The following GABRB1 variants were observed in gnomAD, a reference collection of about 807,000 sequenced individuals.
GABRB1 encodes the protein gamma-aminobutyric acid type A receptor subunit beta1.
Under a neutral mutation model 51.6 loss-of-function variants are expected in GABRB1, and 17 were observed. That is an observed-to-expected ratio of 0.33 (90% CI 0.23 to 0.49). The LOEUF (loss-of-function observed/expected upper bound fraction) is 0.49, where lower values mean the gene tolerates loss of function less well. GABRB1 is among the 20% of genes least tolerant of loss of function. The pLI, the probability that GABRB1 is intolerant of heterozygous loss-of-function variation, is 0.99. For missense variants in GABRB1, 410 were observed against 600.6 expected (o/e 0.68, Z 3.32); for synonymous variants, 247 against 218.9 (o/e 1.13, Z -1.14).
At position 47,031,750 on chromosome 4, in the gene GABRB1, A is replaced by ATCTC. The variant is rs771540640; in HGVS notation, c.80+20_80+23dup. 30 of 1,524,532 alleles carry ATCTC rather than the reference A, an allele frequency of 2.0e-5. 1 individual carries two copies. Among genetic ancestry groups the ATCTC allele is most frequent in the South Asian group, 1.7e-4 (15 of 88,604 alleles). The allele number at this position is 1,524,532 out of a possible 1,614,324, so 94.4% of individuals were successfully genotyped here. ...CACACAGGTGAGCTGCTGTTGTTGA[A>ATCTC]TCTCGCTCTCTCTCTCTCTCTCTCT... On this transcript the variant is annotated intron_variant, in intron 1 of 8. Transcript: ENST00000295454.
chr4:47,208,430 C>T (rs1720224334), intron 4 of GABRB1, among the ~76,000 whole-genome samples: 1 of 151,998 alleles, frequency 6.6e-6, no homozygotes, highest in South Asian at 2.1e-4. Context: ...AGTTGTATAA[C>T]ATTGTGGATG....
intron 4 of GABRB1, among the ~76,000 whole-genome samples, chr4:47,190,451 T>C (rs1719394867): frequency 6.6e-6 from 1 of 152,158 alleles, no homozygotes; most frequent in South Asian, 2.1e-4. Flanking sequence ...AACGGCTTTA[T>C]GCACATTATT....
intron 3 of GABRB1, among the ~76,000 whole-genome samples, chr4:47,083,320 A>C (rs1223368955): frequency 6.6e-6 from 1 of 152,132 alleles, no homozygotes; most frequent in Non-Finnish European, 1.5e-5. Flanking sequence ...TTTAGACTTT[A>C]CCTTTCTTGA....
chr4:47,055,732 C>G (rs1726566538), intron 3 of GABRB1, among the ~76,000 whole-genome samples: 1 of 152,166 alleles, frequency 6.6e-6, no homozygotes, highest in Admixed American at 6.6e-5. Flanking sequence ...CCTTCCACTT[C>G]TACTCTCTCA....
At chr4:47,209,122 G>C (rs977530861) in intron 4 of GABRB1, among the ~76,000 whole-genome samples, 1 of 152,016 alleles carries the variant, frequency 6.6e-6, no homozygotes, top group Non-Finnish European at 1.5e-5. Context: ...GGAATTGACT[G>C]GGTATTAAAA....
At chr4:47,209,955 C>T (rs922250133) in intron 4 of GABRB1, among the ~76,000 whole-genome samples, 28 of 152,142 alleles carry the variant, frequency 1.8e-4, no homozygotes, top group African/African-American at 6.5e-4. Context: ...AAGTTTTAGC[C>T]TTATTAAAGA....
At chr4:47,015,174 G>A (rs1724708321) in intron 1 of GABRB1, among the ~76,000 whole-genome samples, 1 of 152,172 alleles carries the variant, frequency 6.6e-6, no homozygotes, top group Non-Finnish European at 1.5e-5. Context: ...CCAAAGTGCT[G>A]GGATTACAGG....
intron 4 of GABRB1, among the ~76,000 whole-genome samples, chr4:47,265,041 A>G (rs1722595115): frequency 6.6e-6 from 1 of 152,214 alleles, no homozygotes; most frequent in South Asian, 2.1e-4. Context: ...TAGATTTAGC[A>G]CAGTTTTGTT....
chr4:47,055,130 A>G (rs1277330195), intron 3 of GABRB1, among the ~76,000 whole-genome samples: 4 of 152,184 alleles, frequency 2.6e-5, no homozygotes, highest in Non-Finnish European at 4.4e-5. Context: ...TATCTTTCAA[A>G]CCAACATTCC....
chr4:47,406,123 A>T (rs200342990), intron 7 of GABRB1, among the ~76,000 whole-genome samples: 7 of 124,806 alleles, frequency 5.6e-5, no homozygotes, highest in Non-Finnish European at 1.2e-4. Flanking sequence ...GACATTTCTC[A>T]TGTTTCCTCT....
chr4:46,994,467 T>C (rs1282716295), intron 1 of GABRB1: 1 of 145,978 alleles, frequency 6.9e-6, no homozygotes, highest in East Asian at 2.0e-4. Flanking sequence ...AGAAAATGTG[T>C]GTGTGTGTGT....
At chr4:47,069,834 T>C (rs1727243522) in intron 3 of GABRB1, among the ~76,000 whole-genome samples, 1 of 152,148 alleles carries the variant, frequency 6.6e-6, no homozygotes, top group African/African-American at 2.4e-5. Context: ...GTGTTGACTA[T>C]ACTCACAATC....
intron 4 of GABRB1, among the ~76,000 whole-genome samples, chr4:47,262,923 C>T (rs1722498434): frequency 1.3e-5 from 2 of 151,518 alleles, no homozygotes; most frequent in South Asian, 2.1e-4. Flanking sequence ...AACCATCATT[C>T]TCAGCAAACT....
chr4:47,099,039 A>G (rs1714600650), intron 3 of GABRB1, among the ~76,000 whole-genome samples: 3 of 152,106 alleles, frequency 2.0e-5, no homozygotes, highest in South Asian at 4.1e-4. Context: ...CTTCTAGGGT[A>G]ATACAAAGTA....
chr4:47,210,447 A>G (rs867473985), intron 4 of GABRB1, among the ~76,000 whole-genome samples: 3 of 152,142 alleles, frequency 2.0e-5, no homozygotes, highest in African/African-American at 7.2e-5. Context: ...TCAATTTCAT[A>G]TAAGCATTTG....
chr4:47,395,650 C>T (rs1290217937), intron 5 of GABRB1, among the ~76,000 whole-genome samples: 1 of 152,156 alleles, frequency 6.6e-6, no homozygotes, highest in Non-Finnish European at 1.5e-5. Flanking sequence ...CCAAGATTTC[C>T]TTCTTTGTAA....
At chr4:47,114,221 C>T (rs940577268) in intron 3 of GABRB1, among the ~76,000 whole-genome samples, 1 of 152,164 alleles carries the variant, frequency 6.6e-6, no homozygotes, top group African/African-American at 2.4e-5. Context: ...CTGTCTAAAC[C>T]TCTCTTGCTG....
intron 8 of GABRB1, among the ~76,000 whole-genome samples, chr4:47,413,198 C>T (rs1411256260): frequency 2.0e-5 from 3 of 152,200 alleles, no homozygotes; most frequent in African/African-American, 7.2e-5. Flanking sequence ...AACAGAAATT[C>T]CGCCGAGGTC....
upstream of GABRB1, chr4:47,031,223 A>G (rs1366061938): frequency 1.1e-5 from 2 of 178,720 alleles, no homozygotes; most frequent in Non-Finnish European, 1.2e-5. Flanking sequence ...ACCCTCCTCC[A>G]GAGTCCCCGT....
Sources: gnomAD v4.1 joint callset for allele counts (sites outside exome capture counted in the v4.1 genomes callset) on GRCh38, gnomAD v4.1.1 for gene constraint, MANE v1.5 for transcripts, NCBI Gene and HGNC (gene_info 2026-07-23, HGNC 2026-07-21) for gene names.